Variants in WASHC4 observed in about 807,000 individuals in gnomAD.
WASHC4 encodes the protein WASH complex subunit 4.
WASHC4 carries 86 observed loss-of-function variants against 166.6 expected under a neutral mutation model. The ratio of observed to expected loss-of-function variants is 0.52; its 90% CI spans 0.43 to 0.62. The LOEUF (loss-of-function observed/expected upper bound fraction) is 0.62. Ranked by LOEUF, WASHC4 falls within the 20% of genes least tolerant of loss-of-function variation. WASHC4 has a pLI of 0.00. For missense variants in WASHC4, 1,262 were observed against 1,382.4 expected, an observed-to-expected ratio of 0.91 and a Z score of 1.38; for synonymous variants, 446 against 451.6, an observed-to-expected ratio of 0.99 and a Z score of 0.16.
chr12:105,154,309 G>A (rs537604529), intron 26 of WASHC4, among the ~76,000 whole-genome samples: 1 of 152,168 alleles, frequency 6.6e-6, no homozygotes, highest in Non-Finnish European at 1.5e-5. Flanking sequence ...GATTACAGGC[G>A]TGAGCCACTG....
At chr12:105,166,666 A>G (rs1884826229) in intron 32 of WASHC4, among the ~76,000 whole-genome samples, 198 bp from the exon 33 acceptor site, 1 of 152,182 alleles carries the variant, frequency 6.6e-6, no homozygotes, top group Non-Finnish European at 1.5e-5. Context: ...AGTGGAAACA[A>G]TTGCAGTGTT....
At chr12:105,143,895 A>G (rs1339417210) in intron 20 of WASHC4, among the ~76,000 whole-genome samples, 1 of 151,738 alleles carries the variant, frequency 6.6e-6, no homozygotes, top group Non-Finnish European at 1.5e-5. Flanking sequence ...GTAATTTAGA[A>G]CTCCTTGGTA....
Position 105,168,548 on chromosome 12 carries a change from T to C in WASHC4, c.*1617T>C, listed in dbSNP as rs918926196. ...CTCTAACTTCTCTGAAATCATCTCC[T>C]ATTAAGGGATAGAAATTGTTACTAG... is the stretch of plus-strand genomic sequence containing the variant. On this transcript the variant is annotated 3_prime_UTR_variant, in exon 33 of 33. Coordinates refer to ENST00000332180, the MANE Select transcript of WASHC4 (RefSeq NM_015275.3). 5 of 152,354 alleles carry C rather than the reference T, an allele frequency of 3.3e-5. No individual in the cohort carries two copies. The highest frequency in any genetic ancestry group is 1.2e-4 in the African/African-American group (5 of 41,454). The allele number at this position is 152,354 out of a possible 1,614,324, so 9.4% of individuals were successfully genotyped here. A position where few individuals can be genotyped will look rare whatever the true frequency, so the allele number is the denominator to read the frequency against.
chr12:105,146,668 T>G, intron 23 of WASHC4, 142 bp downstream of exon 23: 1 of 644,704 alleles, frequency 1.6e-6, no homozygotes, highest in South Asian at 1.9e-5. Flanking sequence ...TTTTTTTGCC[T>G]TGATTATACC....
At chr12:105,151,758 G>T (rs1257544931) in intron 25 of WASHC4, among the ~76,000 whole-genome samples, 1 of 152,194 alleles carries the variant, frequency 6.6e-6, no homozygotes, top group Non-Finnish European at 1.5e-5. Flanking sequence ...GGGATTACAG[G>T]CATGAGCCAC....
intron 24 of WASHC4, chr12:105,148,807 A>G (rs2440717): frequency 0.42 from 415,489 of 984,598 alleles, 89,762 homozygotes; most frequent in Middle Eastern, 0.55. Flanking sequence ...GTAGGTTGGA[A>G]TTAATCTTAT....
At chr12:105,132,277 T>A (rs1353797447) in intron 13 of WASHC4, among the ~76,000 whole-genome samples, 1 of 152,202 alleles carries the variant, frequency 6.6e-6, no homozygotes, top group Non-Finnish European at 1.5e-5. Context: ...GTTTAAGCAA[T>A]TCTCTTGCCT....
chr12:105,133,394 C>T (rs1020026084), intron 13 of WASHC4, among the ~76,000 whole-genome samples: 2 of 152,146 alleles, frequency 1.3e-5, no homozygotes, highest in African/African-American at 2.4e-5. Flanking sequence ...AAAATTGTAC[C>T]TCCACCCCAG....
At position 105,164,292 on chromosome 12, in the gene WASHC4, G is replaced by A. The variant is rs755298440; in HGVS notation, c.3339G>A (p.Leu1113=). The change falls in exon 31 of 33, where the codon CTG becomes CTA. Residue 1113 remains leucine, a synonymous_variant. Transcript: ENST00000332180. ...CCATGAATCTCACTCAGAAGCGACT[G>A]GATGTCTATCTACAGGTAGAGAGGA... ...LQTMNLTQKR[L]DVYLQEFELL... 10 of 1,613,604 alleles carry A rather than the reference G, an allele frequency of 6.2e-6. No individual in the cohort carries two copies. In the East Asian group the frequency reaches 1.1e-4, roughly 18 times the overall value.
rs140967933 is a variant in WASHC4, at chr12:105,113,260, G to A, written c.202-956G>A. Among the ~76,000 whole-genome samples the A allele has an allele frequency of 1.5e-4, 23 of 151,996 alleles. No homozygotes were observed. In the East Asian group the frequency reaches 3.9e-3, roughly 26 times the overall value. On this transcript the variant is annotated intron_variant, in intron 2 of 32. Coordinates refer to ENST00000332180, the MANE Select transcript of WASHC4 (RefSeq NM_015275.3). The stretch of plus-strand genomic sequence containing the variant: ...TAAACAGATGCTGTTGGGCTTTCTC[G>A]CCATTAAGTAATACTTGTTGATTTT...
intron 24 of WASHC4, chr12:105,148,621 GAAAC>G: frequency 2.0e-6 from 2 of 985,094 alleles, no homozygotes; most frequent in Non-Finnish European, 2.4e-6. Flanking sequence ...AAAATGCAAA[GAAAC>G]AGAAAAAACA....
At chr12:105,132,431 C>T (rs1482525657) in intron 13 of WASHC4, among the ~76,000 whole-genome samples, 3 of 152,184 alleles carry the variant, frequency 2.0e-5, no homozygotes, top group Non-Finnish European at 4.4e-5. Context: ...CTCGGCCTCC[C>T]GAAGTGCTGG....
intron 14 of WASHC4, 42 bp from the exon 15 acceptor site, chr12:105,137,843 GA>G (rs1382433325): frequency 6.5e-7 from 1 of 1,545,480 alleles, no homozygotes; most frequent in South Asian, 1.1e-5. Context: ...AAATCTTGAA[GA>G]AAATCTTTCC....
At chr12:105,158,649 G>C (rs1275462546) in intron 28 of WASHC4, among the ~76,000 whole-genome samples, 1 of 152,164 alleles carries the variant, frequency 6.6e-6, no homozygotes, top group Non-Finnish European at 1.5e-5. Context: ...CAGCTGTAAA[G>C]GACATTTGAG....
intron 4 of WASHC4, 120 bp downstream of exon 4, chr12:105,114,547 C>T (rs575415539): frequency 1.2e-4 from 86 of 741,300 alleles, no homozygotes; most frequent in Non-Finnish European, 1.8e-4. Context: ...ATTTATTTAA[C>T]GTAATACTAA....
At chr12:105,157,503 C>G (rs147958943) in intron 28 of WASHC4, among the ~76,000 whole-genome samples, 181 bp downstream of exon 28, 338 of 152,240 alleles carry the variant, frequency 2.2e-3, no homozygotes, top group African/African-American at 7.8e-3. Context: ...CTAGAACATG[C>G]TGTCCAGTAT....
At chr12:105,130,005 C>T (rs1161598690) in intron 13 of WASHC4, among the ~76,000 whole-genome samples, 2 of 152,114 alleles carry the variant, frequency 1.3e-5, no homozygotes, top group Non-Finnish European at 2.9e-5. Flanking sequence ...TTGACACATA[C>T]CTCCTGTAAT....
At position 105,130,546 on chromosome 12, in the gene WASHC4, A is replaced by T. The variant is rs1354322706; in HGVS notation, c.1200-3224A>T. On this transcript the variant is annotated intron_variant, in intron 13 of 32. Transcript: ENST00000332180. ...GTTATGTCAAGGAAACCTAAAATTC[A>T]CTCCACTAAAGTGAAACTCAGAGGG... Among the ~76,000 whole-genome samples, 3 of 152,244 alleles carry T rather than the reference A, an allele frequency of 2.0e-5. No individual in the cohort carries two copies. The East Asian group carries it at 5.8e-4, about 29-fold the overall frequency.
intron 26 of WASHC4, among the ~76,000 whole-genome samples, chr12:105,155,970 A>AT (rs1366507328): frequency 6.6e-6 from 1 of 152,202 alleles, no homozygotes; most frequent in Admixed American, 6.5e-5. Context: ...TCAGGAGGCC[A>AT]TTGCATATTG....
Sources: allele counts gnomAD v4.1 joint callset (sites outside exome capture counted in the v4.1 genomes callset), GRCh38; gene constraint gnomAD v4.1.1; transcripts MANE v1.5; gene names NCBI Gene and HGNC (gene_info 2026-07-23, HGNC 2026-07-21).